NCAPG: variants seen among roughly 807,000 people sequenced by gnomAD.
The protein encoded by NCAPG is condensin complex subunit 3.
NCAPG carries 69 observed loss-of-function variants against 113.1 expected under a neutral mutation model. The ratio of observed to expected loss-of-function variants is 0.61; its 90% CI spans 0.50 to 0.75. The LOEUF (loss-of-function observed/expected upper bound fraction) is 0.75. NCAPG is among the 30% of genes least tolerant of loss of function. NCAPG has a pLI of 0.00. For synonymous variants in NCAPG, 370 were observed against 415.8 expected, an observed-to-expected ratio of 0.89 and a Z score of 1.34; for missense variants, 1,058 against 1,177.0, an observed-to-expected ratio of 0.90 and a Z score of 1.48.
chr4:17,816,729 A>C (rs945418561), intron 5 of NCAPG, among the ~76,000 whole-genome samples: 16 of 152,226 alleles, frequency 1.1e-4, no homozygotes, highest in Admixed American at 8.5e-4. Context: ...AGGAATGTAA[A>C]GATATTTTTG....
At chr4:17,822,948 A>G (rs558802696) in intron 7 of NCAPG, 35 bp from the exon 8 acceptor site, 1 of 1,533,362 alleles carries the variant, frequency 6.5e-7, no homozygotes, top group East Asian at 2.4e-5. Flanking sequence ...GATGTTTCTT[A>G]AAAGATTCTA....
In NCAPG at chr4:17,843,707, CTT is replaced by C. The variant is rs746631602; in HGVS notation, c.*284_*285del. 1.4e-5 allele frequency: 3 copies of C among 210,600 alleles called. No individual in the cohort carries two copies. The highest frequency in any genetic ancestry group is 2.3e-5 in the African/African-American group (1 of 43,862). 13.0% of individuals were successfully genotyped at this position (210,600 alleles called of 1,614,324 possible). A position where few individuals can be genotyped will look rare whatever the true frequency, so the allele number is the denominator to read the frequency against. On this transcript the variant is annotated 3_prime_UTR_variant, in exon 21 of 21. Transcript: ENST00000251496. ...TCTCTCCAAGTGATTCTTATGAACT[CTT>C]TATGTTTAAAATCATGTCATTATGG... is the stretch of plus-strand genomic sequence containing the variant.
At chr4:17,815,081 G>T (rs922058537) in intron 4 of NCAPG, 83 bp downstream of exon 4, 1 of 1,544,860 alleles carries the variant, frequency 6.5e-7, no homozygotes. Flanking sequence ...AAAATACTTG[G>T]CATGTAATAA....
Position 17,815,438 on chromosome 4 carries a change from A to G in NCAPG, c.775+80A>G, listed in dbSNP as rs145611655. The G allele has an allele frequency of 3.0e-6, 3 of 1,006,632 alleles. No homozygotes were observed. The African/African-American group carries it at 5.1e-5, about 17-fold the overall frequency. 62.4% of individuals were successfully genotyped at this position (1,006,632 alleles called of 1,614,324 possible). A position where few individuals can be genotyped will look rare whatever the true frequency, so the allele number is the denominator to read the frequency against. ...TAACAAGGTTTAAGAAACGAGTGTC[A>G]AATCAGGTCAAGTAAGCCTGCCAGT... On this transcript the variant is annotated intron_variant, in intron 5 of 20. Transcript: ENST00000251496.
chr4:17,828,661 T>C (rs1309545491), intron 12 of NCAPG, among the ~76,000 whole-genome samples: 1 of 152,106 alleles, frequency 6.6e-6, no homozygotes, highest in East Asian at 1.9e-4. Context: ...ATTTTTTGAA[T>C]AGTAAGAGAG....
At chr4:17,839,240 C>G (rs564803179) in intron 16 of NCAPG, among the ~76,000 whole-genome samples, 1 of 152,310 alleles carries the variant, frequency 6.6e-6, no homozygotes, top group Admixed American at 6.5e-5. Context: ...AGTTCCGGAA[C>G]TGGGATGTTC....
At chr4:17,833,188 G>C (rs550090238) in intron 13 of NCAPG, among the ~76,000 whole-genome samples, 3 of 151,968 alleles carry the variant, frequency 2.0e-5, no homozygotes, top group Non-Finnish European at 4.4e-5. Flanking sequence ...TGACCAATGT[G>C]GTGAAACCCC....
At chr4:17,832,378 G>T (rs1721899078) in intron 13 of NCAPG, among the ~76,000 whole-genome samples, 1 of 152,156 alleles carries the variant, frequency 6.6e-6, no homozygotes, top group Admixed American at 6.5e-5. Context: ...TCTAAGATTT[G>T]CTAATGAATC....
At chr4:17,833,509 G>T (rs1721961859) in intron 13 of NCAPG, among the ~76,000 whole-genome samples, 1 of 148,008 alleles carries the variant, frequency 6.8e-6, no homozygotes, top group Non-Finnish European at 1.5e-5. Context: ...TGTTGTTGTT[G>T]TTATATATAT....
At position 17,843,479 on chromosome 4, in the gene NCAPG, TAAA is replaced by T. The variant is rs1722629841; in HGVS notation, c.*55_*57del. 1.3e-6 allele frequency: 2 copies of T among 1,584,766 alleles called. No individual in the cohort carries two copies. Among genetic ancestry groups the T allele is most frequent in the East Asian group, 4.5e-5 (2 of 44,338 alleles). ...GATTATGTCCAGTTATTTGCTTTAA[TAAA>T]GAAGAAGTTACCCTTGTCAAAATCA... On this transcript the variant is annotated 3_prime_UTR_variant, in exon 21 of 21. Coordinates refer to ENST00000251496, the MANE Select transcript of NCAPG (RefSeq NM_022346.5).
At chr4:17,827,601 A>G (rs1452167890) in intron 11 of NCAPG, among the ~76,000 whole-genome samples, 1 of 152,142 alleles carries the variant, frequency 6.6e-6, no homozygotes, top group Non-Finnish European at 1.5e-5. Context: ...AGAACAAGGA[A>G]GAGGAGAGAT....
Position 17,814,981 on chromosome 4 carries a change from A to T in NCAPG, c.673A>T (p.Arg225Ter). ...CACCAAGGATGTGAAAGAGGCTGTC[A>T]GAAAGCTGGCTTATCAGGTAAATAA... ...GRTKDVKEAV[R>*]KLAYQVLAEK... The change falls in exon 4 of 21, where the codon AGA (arginine) becomes TGA (stop). Residue 225 changes from arginine (R) to a stop codon, truncating the protein, a stop_gained. Transcript: ENST00000251496. LOFTEE classifies it high-confidence loss of function. The T allele has an allele frequency of 6.2e-7, 1 of 1,614,224 alleles. No homozygotes were observed. The highest frequency in any genetic ancestry group is 1.1e-5 in the South Asian group (1 of 91,090).
intron 6 of NCAPG, 58 bp downstream of exon 6, chr4:17,817,511 GT>G (rs905838604): frequency 6.3e-6 from 9 of 1,423,072 alleles, no homozygotes; most frequent in African/African-American, 5.8e-5. Flanking sequence ...CAATTAATTT[GT>G]TTTTTTTCCT....
rs754561076 is a variant in NCAPG at position 17,818,077 on chromosome 4, C to G, written c.1107C>G (p.Asp369Glu). The change falls in exon 7 of 21, where the codon GAC (aspartate) becomes GAG (glutamate). Residue 369 changes from aspartate (D) to glutamate (E), a missense_variant. Asp to Glu is a conservative substitution (Grantham distance 45). Transcript: ENST00000251496. The part of the protein sequence containing the change: ...QILPEPVVYA[D>E]YLLSYIQSIP... The stretch of plus-strand genomic sequence containing the variant: ...TGCCAGAGCCTGTAGTATATGCAGA[C>G]TATTTATTGAGGTAAATTTTTTTTC... 4 of 1,598,714 alleles carry G rather than the reference C, an allele frequency of 2.5e-6. No individual in the cohort carries two copies. Among genetic ancestry groups the G allele is most frequent in the Non-Finnish European group, 2.6e-6 (3 of 1,174,968 alleles).
rs188530652 is a variant in NCAPG, at chr4:17,844,274, G to A, written c.*849G>A. Reference sequence around the variant, plus strand: ...GAAATTGACACTTGGCCTGACTTACGAAACTTGTACTATATGAAATTGGTC... The same window carrying A: ...GAAATTGACACTTGGCCTGACTTACAAAACTTGTACTATATGAAATTGGTC... On this transcript the variant is annotated 3_prime_UTR_variant, in exon 21 of 21. Transcript: ENST00000251496. The A allele has an allele frequency of 3.3e-5, 5 of 152,380 alleles. No homozygotes were observed. The highest frequency in any genetic ancestry group is 7.4e-5 in the Non-Finnish European group (5 of 67,792). The allele number at this position is 152,380 out of a possible 1,614,324, so 9.4% of individuals were successfully genotyped here.
At chr4:17,815,138 A>C in intron 4 of NCAPG, 136 bp from the exon 5 acceptor site, 12 of 1,262,224 alleles carry the variant, frequency 9.5e-6, no homozygotes, top group African/African-American at 1.5e-5. Flanking sequence ...TTTAGGTAGA[A>C]TCTTACTGTA....
intron 9 of NCAPG, among the ~76,000 whole-genome samples, chr4:17,824,303 C>A (rs1376373381): frequency 6.6e-6 from 1 of 151,950 alleles, no homozygotes; most frequent in African/African-American, 2.4e-5. Context: ...TTATTTTTTT[C>A]TGGCATAGCC....
At chr4:17,817,810 T>C in intron 6 of NCAPG, 129 bp from the exon 7 acceptor site, 12 of 917,554 alleles carry the variant, frequency 1.3e-5, no homozygotes, top group Non-Finnish European at 1.7e-5. Context: ...TGTGGATACA[T>C]TAATGACTCT....
intron 19 of NCAPG, 63 bp downstream of exon 19, chr4:17,840,756 A>G (rs1183115717): frequency 1.8e-6 from 2 of 1,101,112 alleles, no homozygotes; most frequent in East Asian, 2.8e-5. Flanking sequence ...AATGAAAAAT[A>G]CTTGTTTTGC....
Sources: allele counts gnomAD v4.1 joint callset (sites outside exome capture counted in the v4.1 genomes callset), GRCh38; gene constraint gnomAD v4.1.1; transcripts MANE v1.5; gene names NCBI Gene and HGNC (gene_info 2026-07-23, HGNC 2026-07-21).